Variants in MMRN1 observed in about 807,000 individuals in gnomAD.
MMRN1 encodes multimerin 1, also known as multimerin-1.
A neutral mutation model predicts 100.7 loss-of-function variants in MMRN1; 94 were observed. That is an observed-to-expected ratio of 0.93 (90% CI 0.79 to 1.11). The LOEUF is 1.11. MMRN1 is among the 50% of genes least tolerant of loss of function. MMRN1 has a pLI of 0.00. For missense variants in MMRN1, 1,606 were observed against 1,439.1 expected (o/e 1.12, Z -1.88); for synonymous variants, 575 against 505.0 (o/e 1.14, Z -1.86).
chr4:89,952,980 AT>A lies in MMRN1; in HGVS notation c.3266-11del. 2 of 1,549,558 alleles carry A rather than the reference AT, an allele frequency of 1.3e-6. No individual in the cohort carries two copies. The highest frequency in any genetic ancestry group is 8.7e-7 in the Non-Finnish European group (1 of 1,150,324). Reference sequence around the variant, plus strand: ...AAAAACATGAAAATTAACTCTTGCCATTTTTTCCTCTAACAGATTTTTCCAA... The same window carrying A: ...AAAAACATGAAAATTAACTCTTGCCATTTTTCCTCTAACAGATTTTTCCAA... On this transcript the variant is annotated splice_polypyrimidine_tract_variant and intron_variant, in intron 7 of 7. Transcript: ENST00000264790.
chr4:89,944,417 A>G (rs1307973851), intron 6 of MMRN1, among the ~76,000 whole-genome samples: 3 of 152,234 alleles, frequency 2.0e-5, no homozygotes, highest in Admixed American at 6.5e-5. Context: ...GTGCACATAT[A>G]TACACATGGG....
intron 4 of MMRN1, among the ~76,000 whole-genome samples, chr4:89,925,704 C>A (rs1011148958): frequency 1.3e-5 from 2 of 151,912 alleles, no homozygotes; most frequent in Non-Finnish European, 2.9e-5. Context: ...GTGGCATGCA[C>A]CTGTAGTCCC....
At position 89,936,769 on chromosome 4, in the gene MMRN1, A is replaced by G. The variant is rs773010489; in HGVS notation, c.3089A>G (p.Gln1030Arg). The part of the protein sequence containing the change: ...NLTTVLIGRT[Q>R]RNTDNIIYPE... ...ACCACAGTCCTGATAGGCCGGACTC[A>G]AAGAAACACGGACAACATAATATAT... is the stretch of plus-strand genomic sequence containing the variant. Residue 1030 changes from glutamine to arginine, a missense_variant, in exon 6 of 8, where the codon CAA (glutamine) becomes CGA (arginine). Coordinates refer to ENST00000264790, the MANE Select transcript of MMRN1 (RefSeq NM_007351.3). 1.9e-6 allele frequency: 3 copies of G among 1,602,276 alleles called. No individual in the cohort carries two copies. In the African/African-American group the frequency reaches 4.0e-5, roughly 22 times the overall value.
At chr4:89,901,963 A>C (rs907340854) in intron 1 of MMRN1, 16 of 151,982 alleles carry the variant, frequency 1.1e-4, no homozygotes, top group Non-Finnish European at 2.4e-4. Flanking sequence ...TGGATTAAGC[A>C]TAGAATTCTG....
At chr4:89,902,299 A>G (rs1721417660) in intron 1 of MMRN1, among the ~76,000 whole-genome samples, 1 of 151,752 alleles carries the variant, frequency 6.6e-6, no homozygotes, top group African/African-American at 2.4e-5. Flanking sequence ...CACAATGTGC[A>G]CATGTACCCT....
At chr4:89,881,828 A>T (rs1470268521) in intron 1 of MMRN1, among the ~76,000 whole-genome samples, 1 of 152,024 alleles carries the variant, frequency 6.6e-6, no homozygotes, top group African/African-American at 2.4e-5. Flanking sequence ...TTTCAGAGCT[A>T]AACAGTAATG....
chr4:89,899,841 T>A (rs1721327428), intron 1 of MMRN1, among the ~76,000 whole-genome samples: 1 of 151,986 alleles, frequency 6.6e-6, no homozygotes, highest in Non-Finnish European at 1.5e-5. Flanking sequence ...ATCTTCTACT[T>A]GCCGTTATTC....
At chr4:89,947,364 C>T (rs1484984371) in intron 6 of MMRN1, among the ~76,000 whole-genome samples, 1 of 152,292 alleles carries the variant, frequency 6.6e-6, no homozygotes, top group South Asian at 2.1e-4. Flanking sequence ...AACTCTGTGA[C>T]ATTTGAGAAA....
intron 5 of MMRN1, among the ~76,000 whole-genome samples, chr4:89,931,954 C>T (rs1722454015): frequency 6.6e-6 from 1 of 152,088 alleles, no homozygotes; most frequent in Non-Finnish European, 1.5e-5. Context: ...CCCAACAGTC[C>T]CCCAAAGTCT....
chr4:89,952,822 T>C (rs189374022), intron 7 of MMRN1, among the ~76,000 whole-genome samples, 175 bp from the exon 8 acceptor site: 192 of 152,270 alleles, frequency 1.3e-3, no homozygotes, highest in Non-Finnish European at 2.5e-3. Context: ...TTTAGAGTAA[T>C]TTACCCCAGA....
intron 3 of MMRN1, among the ~76,000 whole-genome samples, chr4:89,915,918 T>C (rs1721897506): frequency 6.6e-6 from 1 of 151,712 alleles, no homozygotes; most frequent in South Asian, 2.1e-4. Flanking sequence ...AGCAAAGGTC[T>C]GTGCTCAAGT....
chr4:89,912,746 G>A (rs544325091), intron 3 of MMRN1, among the ~76,000 whole-genome samples: 2 of 150,916 alleles, frequency 1.3e-5, no homozygotes, highest in South Asian at 4.2e-4. Flanking sequence ...GCAGTGGTGG[G>A]GAATTCAATC....
chr4:89,928,411 T>C (rs917263744), intron 5 of MMRN1, among the ~76,000 whole-genome samples: 6 of 152,154 alleles, frequency 3.9e-5, no homozygotes, highest in African/African-American at 1.2e-4. Flanking sequence ...GGTTATGGTG[T>C]AAAATCTATT....
intron 1 of MMRN1, among the ~76,000 whole-genome samples, chr4:89,888,334 A>AT (rs949970717): frequency 6.6e-6 from 1 of 151,546 alleles, no homozygotes; most frequent in Non-Finnish European, 1.5e-5. Flanking sequence ...TTGGCAAGTT[A>AT]TTTTTTTCCT....
rs762465258 is a variant in MMRN1, at chr4:89,936,517, C to T, written c.2837C>T (p.Pro946Leu). The change falls in exon 6 of 8, where the codon CCT (proline) becomes CTT (leucine). Residue 946 changes from proline to leucine, a missense_variant. Transcript: ENST00000264790. ...TSVSELNATI[P>L]KWIKHSLPDI... is the part of the protein sequence containing the mutation. ...GTGTCAGAACTGAATGCTACCATCC[C>T]TAAGTGGATAAAACATTCCCTGCCA... 6.2e-7 allele frequency: 1 copy of T among 1,613,186 alleles called. No homozygotes were observed. Among genetic ancestry groups the T allele is most frequent in the Non-Finnish European group, 8.5e-7 (1 of 1,179,680 alleles).
rs370209731 is a variant in MMRN1 at position 89,886,140 on chromosome 4, C to T, written c.-249+6538C>T. Among the ~76,000 whole-genome samples, 20 of 151,604 alleles carry T rather than the reference C, an allele frequency of 1.3e-4. No individual in the cohort carries two copies. In the South Asian group the frequency reaches 2.9e-3, roughly 22 times the overall value. On this transcript the variant is annotated intron_variant, in intron 1 of 8. Transcript: ENST00000394980. ...TCCTGAGCTCAGACAATCCGCCTGC[C>T]TCAGCCTCCCAAAGTACTAAGATTA...
At chr4:89,927,750 CA>C in intron 4 of MMRN1, 44 bp from the exon 5 acceptor site, 1 of 1,562,150 alleles carries the variant, frequency 6.4e-7, no homozygotes, top group South Asian at 1.2e-5. Flanking sequence ...AACTATGGGT[CA>C]AAATATATTT....
At chr4:89,930,615 T>A (rs1722405496) in intron 5 of MMRN1, among the ~76,000 whole-genome samples, 1 of 152,058 alleles carries the variant, frequency 6.6e-6, no homozygotes, top group Non-Finnish European at 1.5e-5. Context: ...TTTATTATAT[T>A]TCATCAAGCT....
At chr4:89,912,425 T>C (rs1008547157) in intron 3 of MMRN1, among the ~76,000 whole-genome samples, 2 of 151,350 alleles carry the variant, frequency 1.3e-5, no homozygotes, top group Admixed American at 1.3e-4. Context: ...GACTACCATC[T>C]AGTTTTGTTC....
Sources: gnomAD v4.1 joint callset for allele counts (sites outside exome capture counted in the v4.1 genomes callset) on GRCh38, gnomAD v4.1.1 for gene constraint, MANE v1.5 for transcripts, NCBI Gene and HGNC (gene_info 2026-07-23, HGNC 2026-07-21) for gene names.